The following SEC14L3 variants were observed in gnomAD, a reference collection of about 807,000 sequenced individuals.
SEC14L3 encodes SEC14 like lipid binding 3.
Under a neutral mutation model 57.4 loss-of-function variants are expected in SEC14L3, and 56 were observed. The ratio of observed to expected loss-of-function variants is 0.97; its 90% CI spans 0.79 to 1.22. The LOEUF (loss-of-function observed/expected upper bound fraction) is 1.22. SEC14L3 is among the 50% of genes most tolerant of loss of function. The pLI is 0.00. For synonymous variants in SEC14L3, 173 were observed against 194.4 expected, an observed-to-expected ratio of 0.89 and a Z score of 0.92; for missense variants, 485 against 511.7, an observed-to-expected ratio of 0.95 and a Z score of 0.50.
At position 30,462,107 on chromosome 22, in the gene SEC14L3, C is replaced by T. The variant is rs146711095; in HGVS notation, c.750G>A (p.Gly250=). The T allele has an allele frequency of 1.2e-5, 20 of 1,614,122 alleles. No individual in the cohort carries two copies. Among genetic ancestry groups the T allele is most frequent in the Non-Finnish European group, 1.6e-5 (19 of 1,180,006 alleles). Residue 250 remains glycine, a synonymous_variant, in exon 9 of 12, where the codon GGG becomes GGA. Transcript: ENST00000215812. The stretch of plus-strand genomic sequence containing the variant: ...GTACCTTGGTTAAACATTTGGGGTT[C>T]CCATCTGGGTCAGTCAGGGTGCCCC... The part of the protein sequence containing the change: ...QFGGTLTDPD[G]NPKCLTKINY...
At position 30,461,608 on chromosome 22, in the gene SEC14L3, G is replaced by A. The variant is rs755563064; in HGVS notation, c.858C>T (p.Arg286=). The A allele has an allele frequency of 1.4e-5, 23 of 1,613,976 alleles. No homozygotes were observed. The highest frequency in any genetic ancestry group is 8.9e-5 in the East Asian group (4 of 44,886). ...TQYEHSVQIN[R]GSSHQVEYEI... ...CGTATTCCACTTGGTGTGATGAGCC[G>A]CGGTTGATCTGCACCGAGTGCTCGT... The change falls in exon 10 of 12, where the codon CGC becomes CGT. Residue 286 remains arginine, a synonymous_variant. Coordinates refer to ENST00000215812, the MANE Select transcript of SEC14L3 (RefSeq NM_174975.5).
Position 30,470,044 on chromosome 22 carries a change from T to A in SEC14L3, c.209A>T (p.His70Leu). 1 of 1,584,646 alleles carries A rather than the reference T, an allele frequency of 6.3e-7. No individual in the cohort carries two copies. The highest frequency in any genetic ancestry group is 8.6e-7 in the Non-Finnish European group (1 of 1,164,660). ...CTCTGGGGGCTGCCAATCAAGGATA[T>A]GGTCAATATCCATGGTCTTCCGGAA... is the stretch of plus-strand genomic sequence containing the variant. ...MEFRKTMDID[H>L]ILDWQPPEVI... Residue 70 changes from histidine to leucine, a missense_variant, in exon 4 of 12, where the codon CAT becomes CTT. His to Leu is a moderately conservative substitution (Grantham distance 99). Transcript: ENST00000215812.
At chr22:30,469,309 CA>C (rs1238817554) in intron 4 of SEC14L3, among the ~76,000 whole-genome samples, 327 of 56,178 alleles carry the variant, frequency 5.8e-3, no homozygotes, top group Middle Eastern at 9.6e-3. Context: ...AGACCCCATC[CA>C]AAAAAAAAAA....
intron 1 of SEC14L3, 146 bp from the exon 2 acceptor site, chr22:30,470,728 G>A: frequency 6.8e-7 from 1 of 1,480,852 alleles, no homozygotes; most frequent in East Asian, 2.5e-5. Context: ...TTGAATAGAA[G>A]GGCAGATGGA....
Position 30,461,583 on chromosome 22 carries a change from C to G in SEC14L3, c.883G>C (p.Glu295Gln). The change falls in exon 10 of 12, where the codon GAG (glutamate) becomes CAG (glutamine). Residue 295 changes from glutamate to glutamine, a missense_variant. By Grantham distance (29) the Glu-to-Gln change is conservative. Transcript: ENST00000215812. ...NRGSSHQVEY[E>Q]ILFPGCVLRW... ...AGAACGCAGCCTGGAAATAGGATCT[C>G]GTATTCCACTTGGTGTGATGAGCCG... The G allele has an allele frequency of 6.2e-7, 1 of 1,614,054 alleles. No homozygotes were observed. The highest frequency in any genetic ancestry group is 2.2e-5 in the East Asian group (1 of 44,870).
At chr22:30,450,020 T>A (rs996152992) in intron 12 of SEC14L3, among the ~76,000 whole-genome samples, 2 of 152,032 alleles carry the variant, frequency 1.3e-5, no homozygotes, top group Non-Finnish European at 2.9e-5. Context: ...CTCTCTGTGG[T>A]CCCTCCCCGC....
At chr22:30,467,278 T>TCCATCTATCCAA (rs1217662173) in intron 5 of SEC14L3, 15 of 273,226 alleles carry the variant, frequency 5.5e-5, no homozygotes, top group African/African-American at 3.5e-4. Flanking sequence ...CATCCATCCA[T>TCCATCTATCCAA]CCATCTATCC....
At chr22:30,450,758 T>G (rs2146080709) in intron 12 of SEC14L3, among the ~76,000 whole-genome samples, 1 of 152,250 alleles carries the variant, frequency 6.6e-6, no homozygotes, top group South Asian at 2.1e-4. Context: ...TTCTGGAAGC[T>G]GGGTAATAGG....
chr22:30,471,686 C>A (rs571981585), intron 1 of SEC14L3, among the ~76,000 whole-genome samples: 1 of 152,170 alleles, frequency 6.6e-6, no homozygotes, highest in Non-Finnish European at 1.5e-5. Context: ...GCACCACCCA[C>A]GTTATTGCCT....
chr22:30,468,723 T>G lies in SEC14L3; in HGVS notation c.235-27A>C, dbSNP rs1021279974. On this transcript the variant is annotated intron_variant, in intron 4 of 11. Coordinates refer to ENST00000215812, the MANE Select transcript of SEC14L3 (RefSeq NM_174975.5). ...TGGGCATGAAAAGATGCACAGAACTTGGCATTACACACCTCCCTTGAGACC... is the reference window on the plus strand; with the variant it reads ...TGGGCATGAAAAGATGCACAGAACTGGGCATTACACACCTCCCTTGAGACC... 3 of 1,613,810 alleles carry G rather than the reference T, an allele frequency of 1.9e-6. No individual in the cohort carries two copies. The African/African-American group carries it at 4.0e-5, about 22-fold the overall frequency.
chr22:30,453,006 C>T (rs1324052504), intron 12 of SEC14L3, among the ~76,000 whole-genome samples: 1 of 152,184 alleles, frequency 6.6e-6, no homozygotes. Flanking sequence ...GTGTGAGCCA[C>T]TGTGCCCAGC....
At chr22:30,466,516 C>A (rs1935422185) in intron 6 of SEC14L3, 122 bp from the exon 7 acceptor site, 1 of 1,224,636 alleles carries the variant, frequency 8.2e-7, no homozygotes, top group East Asian at 2.4e-5. Context: ...CATGCCATCA[C>A]CTCCCCTGGC....
intron 9 of SEC14L3, 140 bp from the exon 10 acceptor site, chr22:30,461,834 G>T: frequency 7.9e-7 from 1 of 1,262,030 alleles, no homozygotes; most frequent in Non-Finnish European, 1.1e-6. Flanking sequence ...AGCCTTCTAT[G>T]ACCCTCCAAA....
chr22:30,471,505 A>G (rs1030501066), intron 1 of SEC14L3, among the ~76,000 whole-genome samples: 1 of 152,082 alleles, frequency 6.6e-6, no homozygotes, highest in Admixed American at 6.5e-5. Flanking sequence ...GCTTTTACAG[A>G]CTGGTCATCT....
At chr22:30,457,377 C>CTTTTTTTT (rs60894978), downstream of SEC14L3, among the ~76,000 whole-genome samples, 1 of 136,658 alleles carries the variant, frequency 7.3e-6, no homozygotes, top group Admixed American at 7.5e-5. Context: ...TTAAGTATGT[C>CTTTTTTTT]TTTTTTTTTT....
chr22:30,470,064 C>T lies in SEC14L3; in HGVS notation c.189G>A (p.Arg63=). The change falls in exon 4 of 12, where the codon CGG becomes CGA. Residue 63 remains arginine (R), a synonymous_variant. Transcript: ENST00000215812. ...GGATATGGTCAATATCCATGGTCTTCCGGAACTCCATGTACTGAAAGGGAA... is the reference window on the plus strand; with the variant it reads ...GGATATGGTCAATATCCATGGTCTTTCGGAACTCCATGTACTGAAAGGGAA... ...EALLRKYMEF[R]KTMDIDHILD... The T allele has an allele frequency of 6.3e-7, 1 of 1,597,330 alleles. No individual in the cohort carries two copies. The highest frequency in any genetic ancestry group is 8.5e-7 in the Non-Finnish European group (1 of 1,170,846).
downstream of SEC14L3, among the ~76,000 whole-genome samples, chr22:30,458,175 G>A (rs1425743190): frequency 1.3e-5 from 2 of 152,212 alleles, no homozygotes; most frequent in Non-Finnish European, 1.5e-5. Context: ...AGTTGTGTCA[G>A]GGACTGGGGC....
Position 30,468,616 on chromosome 22 carries a change from T to C in SEC14L3, c.315A>G (p.Pro105=). 1.2e-6 allele frequency: 2 copies of C among 1,613,850 alleles called. No individual in the cohort carries two copies. The highest frequency in any genetic ancestry group is 1.7e-6 in the Non-Finnish European group (2 of 1,179,950). ...AGAAGAGCAACCCCTTGGGATCAAG[T>C]GGCCCAATGATGTCATACCACACGG... ...GCPVWYDIIG[P]LDPKGLLFSV... is the part of the protein sequence containing the mutation. The change falls in exon 5 of 12, where the codon CCA becomes CCG. Residue 105 remains proline, a synonymous_variant. Transcript: ENST00000215812.
rs755721329 is a variant in SEC14L3 at position 30,462,070 on chromosome 22, GA to G, written c.771+15del. On this transcript the variant is annotated intron_variant, in intron 9 of 11. Transcript: ENST00000215812. ...ATTCTTGAACCTCTCTTGTCCCAGGGAAGGGCTCTTTGTACCTTGGTTAAAC... is the reference window on the plus strand; with the variant it reads ...ATTCTTGAACCTCTCTTGTCCCAGGGAGGGCTCTTTGTACCTTGGTTAAAC... 7.4e-6 allele frequency: 12 copies of G among 1,612,946 alleles called. No homozygotes were observed. Among genetic ancestry groups the G allele is most frequent in the Non-Finnish European group, 1.0e-5 (12 of 1,179,250 alleles).
Sources: allele counts gnomAD v4.1 joint callset (sites outside exome capture counted in the v4.1 genomes callset), GRCh38; gene constraint gnomAD v4.1.1; transcripts MANE v1.5; gene names NCBI Gene and HGNC (gene_info 2026-07-23, HGNC 2026-07-21).